PLD5: variants seen among roughly 807,000 people sequenced by gnomAD.
PLD5 encodes the protein phospholipase D family member 5.
In PLD5, 36 loss-of-function variants were observed where a neutral mutation model predicts 61.1. That is an observed-to-expected ratio of 0.59 (90% confidence interval 0.45 to 0.78). The LOEUF is 0.78. Among genes scored for constraint, PLD5 ranks in the 30% least tolerant of loss-of-function variants. PLD5 has a pLI of 0.00. For missense variants in PLD5, 515 were observed against 644.4 expected, an observed-to-expected ratio of 0.80 and a Z score of 2.17; for synonymous variants, 243 against 242.8, an observed-to-expected ratio of 1.00 and a Z score of -0.01.
intron 1 of PLD5, among the ~76,000 whole-genome samples, chr1:242,353,004 T>C (rs1324095497): frequency 1.3e-5 from 2 of 152,232 alleles, no homozygotes; most frequent in Admixed American, 1.3e-4. Context: ...TTCACTCTGC[T>C]AATTCCTTTG....
At chr1:242,095,295 G>C (rs1015219642) in intron 9 of PLD5, among the ~76,000 whole-genome samples, 1 of 151,920 alleles carries the variant, frequency 6.6e-6, no homozygotes, top group Non-Finnish European at 1.5e-5. Context: ...TGCACTGATG[G>C]GATCTTGGCT....
intron 1 of PLD5, among the ~76,000 whole-genome samples, chr1:242,521,683 A>G (rs886479977): frequency 9.5e-6 from 1 of 105,142 alleles, no homozygotes; most frequent in African/African-American, 3.5e-5. Flanking sequence ...ACAGACCAGA[A>G]GGGTGTTTTT....
rs560754764 is a variant in PLD5, at chr1:242,249,146, A to G, written c.607+16191T>C. On this transcript the variant is annotated intron_variant, in intron 4 of 9. Coordinates refer to ENST00000536534, the MANE Select transcript of PLD5 (RefSeq NM_001372062.1). The stretch of plus-strand genomic sequence containing the variant: ...AAAACTAAACATAACTAAATGGCCA[A>G]TGTGATAGTATTGTTGGCCCCACTG... Among the ~76,000 whole-genome samples the G allele has an allele frequency of 4.6e-5, 7 of 152,200 alleles. No individual in the cohort carries two copies. In the South Asian group the frequency reaches 1.5e-3, roughly 32 times the overall value.
At chr1:242,198,348 G>T (rs1574497358) in intron 5 of PLD5, among the ~76,000 whole-genome samples, 1 of 152,154 alleles carries the variant, frequency 6.6e-6, no homozygotes, top group Admixed American at 6.5e-5. Context: ...GGCACGAAAT[G>T]CTTTTGCAGC....
rs1664845969 is a variant in PLD5 at position 242,150,403 on chromosome 1, T to C, written c.736-25738A>G. ...CTATCAATTACTATAAACTGAATGGTGAAGTCTTCAGTTATAATTGTGGGT... is the reference window on the plus strand; with the variant it reads ...CTATCAATTACTATAAACTGAATGGCGAAGTCTTCAGTTATAATTGTGGGT... On this transcript the variant is annotated intron_variant, in intron 5 of 9. Transcript: ENST00000536534. Among the ~76,000 whole-genome samples, 3 of 151,940 alleles carry C rather than the reference T, an allele frequency of 2.0e-5. No homozygotes were observed. The South Asian group carries it at 6.2e-4, about 31-fold the overall frequency.
At chr1:242,184,113 C>T (rs1199273475) in intron 5 of PLD5, among the ~76,000 whole-genome samples, 2 of 152,190 alleles carry the variant, frequency 1.3e-5, no homozygotes, top group African/African-American at 4.8e-5. Context: ...GAATCGATTG[C>T]AAAGTGCTTC....
At chr1:242,224,348 CCTTT>C (rs1372652058) in intron 4 of PLD5, among the ~76,000 whole-genome samples, 1 of 151,790 alleles carries the variant, frequency 6.6e-6, no homozygotes, top group Admixed American at 6.6e-5. Flanking sequence ...TAATTTTAGG[CCTTT>C]TTTTTACAAT....
At chr1:242,355,251 G>A (rs1660694128) in intron 1 of PLD5, among the ~76,000 whole-genome samples, 1 of 152,142 alleles carries the variant, frequency 6.6e-6, no homozygotes, top group Non-Finnish European at 1.5e-5. Flanking sequence ...AACAGGCCTT[G>A]GGCTTTTCTT....
intron 2 of PLD5, among the ~76,000 whole-genome samples, chr1:242,345,015 C>T (rs6678787): frequency 0.89 from 135,515 of 152,136 alleles, 60,476 homozygotes; most frequent in East Asian, 0.94. Context: ...AGACTTATTC[C>T]CTATCACGAG....
chr1:242,419,536 C>T (rs1665021661), intron 1 of PLD5, among the ~76,000 whole-genome samples: 2 of 149,792 alleles, frequency 1.3e-5, no homozygotes, highest in Admixed American at 6.7e-5. Flanking sequence ...GCTGGGACTA[C>T]AGGCGCACAC....
chr1:242,172,042 T>C (rs1489401694), intron 5 of PLD5, among the ~76,000 whole-genome samples: 2 of 152,218 alleles, frequency 1.3e-5, no homozygotes, highest in African/African-American at 4.8e-5. Context: ...CTAATAGACA[T>C]CTACAGAACT....
intron 5 of PLD5, among the ~76,000 whole-genome samples, chr1:242,214,970 G>A (rs1019905064): frequency 6.4e-5 from 9 of 140,144 alleles, no homozygotes; most frequent in African/African-American, 1.9e-4. Context: ...TCTGCCTCCC[G>A]GGTTCACGCC....
chr1:242,206,917 G>C (rs2148968902), intron 5 of PLD5, among the ~76,000 whole-genome samples: 1 of 152,294 alleles, frequency 6.6e-6, no homozygotes. Flanking sequence ...TAAGGAATTG[G>C]CACATATGAT....
At chr1:242,135,058 T>C (rs1663605260) in intron 5 of PLD5, among the ~76,000 whole-genome samples, 3 of 152,214 alleles carry the variant, frequency 2.0e-5, no homozygotes, top group Admixed American at 2.0e-4. Flanking sequence ...TAATCTTTTG[T>C]GTTTGTAACT....
At chr1:242,354,217 T>C (rs1187786991) in intron 1 of PLD5, among the ~76,000 whole-genome samples, 1 of 152,122 alleles carries the variant, frequency 6.6e-6, no homozygotes, top group Non-Finnish European at 1.5e-5. Context: ...AGTTTACACA[T>C]GCCATGACAA....
At chr1:242,391,549 C>A (rs1662933797) in intron 1 of PLD5, among the ~76,000 whole-genome samples, 1 of 107,654 alleles carries the variant, frequency 9.3e-6, no homozygotes, top group Admixed American at 1.2e-4. Flanking sequence ...GAAAGGTTCG[C>A]ATTCTTTTAA....
intron 5 of PLD5, among the ~76,000 whole-genome samples, chr1:242,213,237 T>C (rs1669940691): frequency 6.6e-6 from 1 of 152,188 alleles, no homozygotes; most frequent in Non-Finnish European, 1.5e-5. Flanking sequence ...GGCCAGCTTG[T>C]CGATTTCATT....
At chr1:242,417,864 G>T (rs1215667824) in intron 1 of PLD5, among the ~76,000 whole-genome samples, 2 of 152,152 alleles carry the variant, frequency 1.3e-5, no homozygotes, top group Non-Finnish European at 2.9e-5. Flanking sequence ...GCAGTAAGAG[G>T]CTCCTGCAGG....
intron 4 of PLD5, among the ~76,000 whole-genome samples, chr1:242,259,967 A>G (rs189242138): frequency 6.6e-6 from 1 of 152,354 alleles, no homozygotes; most frequent in African/African-American, 2.4e-5. Flanking sequence ...TAAAAATTCA[A>G]TAATATGACT....
Sources: gnomAD v4.1 joint callset for allele counts (sites outside exome capture counted in the v4.1 genomes callset) on GRCh38, gnomAD v4.1.1 for gene constraint, MANE v1.5 for transcripts, NCBI Gene and HGNC (gene_info 2026-07-23, HGNC 2026-07-21) for gene names.